VTI1A: variants seen among roughly 807,000 people sequenced by gnomAD.
VTI1A encodes vesicle transport through interaction with t-SNAREs 1A, also known as vesicle transport through interaction with t-SNAREs homolog 1A.
A neutral mutation model predicts 34.9 loss-of-function variants in VTI1A; 22 were observed. That is an observed-to-expected ratio of 0.63 (90% CI 0.45 to 0.90). The LOEUF (loss-of-function observed/expected upper bound fraction) is 0.90. Among genes scored for constraint, VTI1A ranks in the 40% least tolerant of loss-of-function variants. The probability of loss-of-function intolerance (pLI) is 0.00; values close to 1 mark genes in which losing one functional copy is unlikely to be tolerated. For missense variants in VTI1A, 268 were observed against 275.6 expected (o/e 0.97, Z 0.20); for synonymous variants, 87 against 97.3 (o/e 0.89, Z 0.62).
intron 5 of VTI1A, among the ~76,000 whole-genome samples, chr10:112,591,518 T>TCACACACACACACACACA (rs61256241): frequency 3.7e-4 from 56 of 150,824 alleles, no homozygotes; most frequent in East Asian, 2.1e-3. Context: ...AGACTCCGTC[T>TCACACACACACACACACA]CACACACACA....
intron 5 of VTI1A, among the ~76,000 whole-genome samples, chr10:112,604,358 T>A (rs1844991939): frequency 6.6e-6 from 1 of 152,216 alleles, no homozygotes; most frequent in Non-Finnish European, 1.5e-5. Context: ...TAACACAAAG[T>A]CAGTGCACAA....
intron 5 of VTI1A, among the ~76,000 whole-genome samples, chr10:112,623,122 T>C (rs1049537069): frequency 6.6e-6 from 1 of 152,206 alleles, no homozygotes; most frequent in African/African-American, 2.4e-5. Flanking sequence ...GTTTGATTGA[T>C]GACTTTAAAT....
intron 5 of VTI1A, among the ~76,000 whole-genome samples, chr10:112,578,027 A>C (rs1257791983): frequency 6.6e-6 from 1 of 152,246 alleles, no homozygotes; most frequent in African/African-American, 2.4e-5. Flanking sequence ...ATACTATGTA[A>C]ATGTGAAGTA....
At chr10:112,635,919 T>G (rs1197621619) in intron 5 of VTI1A, among the ~76,000 whole-genome samples, 1 of 152,062 alleles carries the variant, frequency 6.6e-6, no homozygotes, top group Non-Finnish European at 1.5e-5. Flanking sequence ...AAATGGGGAG[T>G]AAAACTTGGA....
At chr10:112,687,204 C>T (rs1473706021) in intron 7 of VTI1A, among the ~76,000 whole-genome samples, 4 of 147,476 alleles carry the variant, frequency 2.7e-5, no homozygotes, top group Non-Finnish European at 5.9e-5. Flanking sequence ...CAAAACAGGC[C>T]TAGGCATACT....
intron 7 of VTI1A, among the ~76,000 whole-genome samples, chr10:112,675,393 G>T (rs968182498): frequency 6.6e-6 from 1 of 152,192 alleles, no homozygotes; most frequent in Non-Finnish European, 1.5e-5. Context: ...TGAAGACCCA[G>T]TTTCCTCACA....
chr10:112,576,876 GAAATAAATATTTT>G (rs1440346348), intron 5 of VTI1A, among the ~76,000 whole-genome samples: 1 of 152,014 alleles, frequency 6.6e-6, no homozygotes, highest in Non-Finnish European at 1.5e-5. Context: ...ACACAAAACT[GAAATAAATATTTT>G]ATGAAACAAT....
intron 7 of VTI1A, among the ~76,000 whole-genome samples, chr10:112,760,567 C>A (rs999918517): frequency 6.6e-6 from 1 of 152,098 alleles, no homozygotes; most frequent in African/African-American, 2.4e-5. Flanking sequence ...TGTGTTGGGT[C>A]AAGGACCAAG....
At chr10:112,850,239 G>A in the VTI1A span, among the ~76,000 whole-genome samples, 1 of 152,006 alleles carries the variant, frequency 6.6e-6, no homozygotes, top group Admixed American at 6.5e-5. Context: ...GACACCCCAG[G>A]TCAGCGGGTC....
chr10:112,594,743 A>C (rs976500493), intron 5 of VTI1A, among the ~76,000 whole-genome samples: 14 of 151,276 alleles, frequency 9.3e-5, no homozygotes, highest in Non-Finnish European at 1.9e-4. Flanking sequence ...GCCCAAGGTA[A>C]TTTATAGATT....
intron 5 of VTI1A, among the ~76,000 whole-genome samples, chr10:112,651,588 C>T (rs756242486): frequency 1.3e-5 from 2 of 152,198 alleles, no homozygotes; most frequent in African/African-American, 2.4e-5. Context: ...GGATTACAGG[C>T]GTAAGCCACC....
chr10:112,492,389 G>C (rs72821887), intron 3 of VTI1A, among the ~76,000 whole-genome samples: 1 of 152,146 alleles, frequency 6.6e-6, no homozygotes, highest in Non-Finnish European at 1.5e-5. Flanking sequence ...GAAATTCTGC[G>C]CGGTATATCA....
chr10:112,814,945 A>C (rs1853457785), intron 7 of VTI1A, among the ~76,000 whole-genome samples: 1 of 152,100 alleles, frequency 6.6e-6, no homozygotes, highest in Admixed American at 6.6e-5. Context: ...TTTAAATTAG[A>C]AAGAGAAGCT....
the VTI1A span, among the ~76,000 whole-genome samples, chr10:112,834,168 C>T: frequency 6.6e-6 from 1 of 152,188 alleles, no homozygotes; most frequent in Admixed American, 6.5e-5. Context: ...GCAGTGAGTG[C>T]TCAGTGAATG....
At chr10:112,510,336 TTATTTAGAATA>T (rs1363765279) in intron 3 of VTI1A, among the ~76,000 whole-genome samples, 1 of 152,160 alleles carries the variant, frequency 6.6e-6, no homozygotes. Context: ...CAAAAACTTT[TTATTTAGAATA>T]AAGTGGACCT....
chr10:112,540,345 C>G (rs1445887969), intron 5 of VTI1A, among the ~76,000 whole-genome samples: 3 of 152,206 alleles, frequency 2.0e-5, no homozygotes, highest in African/African-American at 7.2e-5. Context: ...CAGCCTACCT[C>G]AGTCCCTTTG....
intron 5 of VTI1A, among the ~76,000 whole-genome samples, chr10:112,540,658 G>A (rs1268783095): frequency 6.6e-6 from 1 of 152,138 alleles, no homozygotes; most frequent in Non-Finnish European, 1.5e-5. Flanking sequence ...ACACTGGGGT[G>A]GGCACCATAT....
chr10:112,478,165 T>C (rs2134089358), intron 3 of VTI1A, among the ~76,000 whole-genome samples: 1 of 152,332 alleles, frequency 6.6e-6, no homozygotes, highest in Middle Eastern at 3.4e-3. Context: ...GTGAATCCTA[T>C]ACTTTTCTAA....
intron 1 of VTI1A, among the ~76,000 whole-genome samples, chr10:112,453,287 G>A (rs2419632): frequency 6.6e-6 from 1 of 152,214 alleles, no homozygotes; most frequent in Non-Finnish European, 1.5e-5. Context: ...CCTTTATCAC[G>A]TGGCTGAGGT....
Sources: allele counts gnomAD v4.1 joint callset (sites outside exome capture counted in the v4.1 genomes callset), GRCh38; gene constraint gnomAD v4.1.1; transcripts MANE v1.5; gene names NCBI Gene and HGNC (gene_info 2026-07-23, HGNC 2026-07-21).